PTPRD: variants seen among roughly 807,000 people sequenced by gnomAD.
PTPRD encodes protein tyrosine phosphatase receptor type D.
A neutral mutation model predicts 214.5 loss-of-function variants in PTPRD; 34 were observed. The observed-to-expected ratio is 0.16, with a 90% CI of 0.12 to 0.21. The LOEUF (loss-of-function observed/expected upper bound fraction) is 0.21. Ranked by LOEUF, PTPRD falls within the 10% of genes least tolerant of loss-of-function variation. PTPRD has a pLI of 1.00. For missense variants in PTPRD, 2,545 were observed against 2,398.7 expected, an observed-to-expected ratio of 1.06 and a Z score of -1.27; for synonymous variants, 1,128 against 845.7, an observed-to-expected ratio of 1.33 and a Z score of -5.79.
chr9:10,201,910 C>A (rs1297166822), intron 3 of PTPRD, among the ~76,000 whole-genome samples: 1 of 146,686 alleles, frequency 6.8e-6, no homozygotes, highest in African/African-American at 2.6e-5. Flanking sequence ...TTTTTTTTTT[C>A]CAGTGTGTTT....
intron 3 of PTPRD, among the ~76,000 whole-genome samples, chr9:10,336,269 GAA>G (rs919881020): frequency 3.3e-5 from 5 of 151,598 alleles, no homozygotes; most frequent in African/African-American, 1.2e-4. Flanking sequence ...CTAAATAAGT[GAA>G]AGACTTACCT....
intron 5 of PTPRD, among the ~76,000 whole-genome samples, chr9:9,793,219 G>A (rs947955516): frequency 6.6e-6 from 1 of 152,130 alleles, no homozygotes; most frequent in Admixed American, 6.5e-5. Context: ...GTTGATAGAT[G>A]CCAATTGAAT....
chr9:9,920,591 T>A (rs1021679074), intron 5 of PTPRD, among the ~76,000 whole-genome samples: 10 of 152,152 alleles, frequency 6.6e-5, no homozygotes, highest in African/African-American at 2.4e-4. Context: ...TTACGTCCTC[T>A]TTATCATTCA....
chr9:8,326,024 A>G (rs1279286665), intron 44 of PTPRD, among the ~76,000 whole-genome samples: 1 of 152,180 alleles, frequency 6.6e-6, no homozygotes, highest in Non-Finnish European at 1.5e-5. Flanking sequence ...AACAGAGACA[A>G]TTTGACTTCC....
intron 11 of PTPRD, among the ~76,000 whole-genome samples, chr9:8,907,181 CA>C (rs766100854): frequency 1.2e-4 from 18 of 151,382 alleles, no homozygotes; most frequent in Non-Finnish European, 2.1e-4. Context: ...ATAATAGAAA[CA>C]ATTATAGCTC....
At chr9:10,173,420 T>G (rs1001035729) in intron 3 of PTPRD, among the ~76,000 whole-genome samples, 3 of 152,126 alleles carry the variant, frequency 2.0e-5, no homozygotes, top group African/African-American at 7.2e-5. Context: ...TCACAGCTAG[T>G]AAGATGTAGG....
intron 7 of PTPRD, among the ~76,000 whole-genome samples, chr9:9,673,278 G>A (rs1240509409): frequency 2.0e-5 from 3 of 151,744 alleles, no homozygotes; most frequent in African/African-American, 4.8e-5. Context: ...TCAGCTACAG[G>A]AAGAAAAAGA....
chr9:8,538,732 T>C (rs2077588875), intron 14 of PTPRD, among the ~76,000 whole-genome samples: 1 of 151,814 alleles, frequency 6.6e-6, no homozygotes, highest in South Asian at 2.1e-4. Context: ...ACATTCTTTA[T>C]ATAAACTTAG....
chr9:9,688,487 A>T (rs947662042), intron 7 of PTPRD, among the ~76,000 whole-genome samples: 9 of 151,878 alleles, frequency 5.9e-5, no homozygotes, highest in Non-Finnish European at 1.2e-4. Context: ...TTGTCTGGGT[A>T]AATGAGCCTA....
chr9:8,999,932 G>C (rs1169261970), intron 11 of PTPRD, among the ~76,000 whole-genome samples: 1 of 151,900 alleles, frequency 6.6e-6, no homozygotes, highest in Non-Finnish European at 1.5e-5. Flanking sequence ...GCTAAACTAG[G>C]GTCAAAGTAT....
chr9:9,759,600 C>T (rs1998548), intron 6 of PTPRD, among the ~76,000 whole-genome samples: 68 of 145,224 alleles, frequency 4.7e-4, no homozygotes, highest in South Asian at 3.0e-3. Context: ...CTCTGTCACC[C>T]AGGCTGAAGT....
intron 4 of PTPRD, among the ~76,000 whole-genome samples, chr9:9,996,887 G>T (rs529046937): frequency 6.6e-6 from 1 of 152,220 alleles, no homozygotes; most frequent in South Asian, 2.1e-4. Context: ...TTCAGAGTTG[G>T]CATATTTATA....
chr9:10,301,135 T>C (rs1213883704), intron 3 of PTPRD, among the ~76,000 whole-genome samples: 2 of 151,882 alleles, frequency 1.3e-5, no homozygotes, highest in East Asian at 3.9e-4. Flanking sequence ...GGGACTGGAG[T>C]GGACCTCCAG....
chr9:9,140,216 A>C (rs978624926), intron 10 of PTPRD, among the ~76,000 whole-genome samples: 1 of 151,734 alleles, frequency 6.6e-6, no homozygotes, highest in Non-Finnish European at 1.5e-5. Context: ...AAAGAAAAAG[A>C]AAAAAAAGAA....
intron 2 of PTPRD, among the ~76,000 whole-genome samples, chr9:10,599,117 A>G (rs995832056): frequency 5.9e-5 from 9 of 151,610 alleles, no homozygotes; most frequent in African/African-American, 1.9e-4. Flanking sequence ...ATTTTCCTTG[A>G]TTTCAATTTA....
intron 10 of PTPRD, among the ~76,000 whole-genome samples, chr9:9,178,019 T>C (rs1243910818): frequency 2.6e-5 from 4 of 152,222 alleles, no homozygotes; most frequent in East Asian, 1.9e-4. Context: ...CATCTCATAA[T>C]AGGAATGGTG....
intron 9 of PTPRD, among the ~76,000 whole-genome samples, chr9:9,332,038 C>A (rs1042254613): frequency 6.6e-6 from 1 of 151,994 alleles, no homozygotes; most frequent in African/African-American, 2.4e-5. Flanking sequence ...TCCCTCTCTG[C>A]GGAGTCTGCA....
chr9:8,812,375 C>T (rs995743881), intron 11 of PTPRD, among the ~76,000 whole-genome samples: 4 of 152,080 alleles, frequency 2.6e-5, no homozygotes, highest in African/African-American at 9.7e-5. Context: ...AATAACATTA[C>T]TTATAGACCT....
chr9:8,926,852 T>C (rs1396865390), intron 11 of PTPRD, among the ~76,000 whole-genome samples: 1 of 152,250 alleles, frequency 6.6e-6, no homozygotes, highest in African/African-American at 2.4e-5. Flanking sequence ...ACTATTCAAA[T>C]CTTCCCTTTC....
Sources: gnomAD v4.1 joint callset for allele counts (sites outside exome capture counted in the v4.1 genomes callset) on GRCh38, gnomAD v4.1.1 for gene constraint, MANE v1.5 for transcripts, NCBI Gene and HGNC (gene_info 2026-07-23, HGNC 2026-07-21) for gene names.